Variants in CREB5 observed in about 807,000 individuals in gnomAD.
CREB5 encodes the protein cyclic AMP-responsive element-binding protein 5.
Under a neutral mutation model 57.1 loss-of-function variants are expected in CREB5, and 19 were observed. The observed-to-expected ratio is 0.33, with a 90% CI of 0.23 to 0.49. The LOEUF is 0.49. Among genes scored for constraint, CREB5 ranks in the 20% least tolerant of loss-of-function variants. CREB5 has a pLI of 0.99. For missense variants in CREB5, 579 were observed against 671.6 expected (o/e 0.86, Z 1.52); for synonymous variants, 238 against 238.3 (o/e 1.00, Z 0.01).
rs191825934 is a variant in CREB5, at chr7:28,538,628, T to C, written c.291+30891T>C. ...TTCTACTTTTATTTTTTATAATTTC[T>C]ACTTTCTCTGGGTGTAATTTGCCCT... On this transcript the variant is annotated intron_variant, in intron 4 of 10. Coordinates refer to ENST00000357727, the MANE Select transcript of CREB5 (RefSeq NM_182898.4). Among the ~76,000 whole-genome samples, 16 of 152,342 alleles carry C rather than the reference T, an allele frequency of 1.1e-4. No individual in the cohort carries two copies. The South Asian group carries it at 2.5e-3, about 24-fold the overall frequency.
In CREB5 at chr7:28,809,286, G is replaced by C; in HGVS notation, c.1126G>C (p.Glu376Gln). The C allele has an allele frequency of 6.2e-7, 1 of 1,614,170 alleles. No individual in the cohort carries two copies. Among genetic ancestry groups the C allele is most frequent in the Non-Finnish European group, 8.5e-7 (1 of 1,180,028 alleles). The change falls in exon 9 of 11, where the codon GAG (glutamate) becomes CAG (glutamine). Residue 376 changes from glutamate (E) to glutamine (Q), a missense_variant. Coordinates refer to ENST00000357727, the MANE Select transcript of CREB5 (RefSeq NM_182898.4). ...RRRVVDEDPDERRRKFLERNR... is the reference protein window; with the variant it reads ...RRRVVDEDPDQRRRKFLERNR... The stretch of plus-strand genomic sequence containing the variant: ...AAGGGTGGTAGACGAGGATCCGGAC[G>C]AGAGGCGGCGGAAATTTCTGGAACG...
intron 1 of CREB5, among the ~76,000 whole-genome samples, chr7:28,477,228 G>A (rs958568718): frequency 6.6e-6 from 1 of 152,226 alleles, no homozygotes; most frequent in Non-Finnish European, 1.5e-5. Context: ...ACCCCATCAA[G>A]GGCAGCCACA....
intron 4 of CREB5, among the ~76,000 whole-genome samples, chr7:28,549,508 C>G (rs1005563798): frequency 4.6e-5 from 7 of 152,304 alleles, no homozygotes; most frequent in African/African-American, 1.4e-4. Context: ...TATTTAGTAC[C>G]TACACACCTC....
chr7:28,673,672 T>C (rs1562563656), intron 5 of CREB5, among the ~76,000 whole-genome samples: 1 of 136,116 alleles, frequency 7.3e-6, no homozygotes, highest in Non-Finnish European at 1.6e-5. Flanking sequence ...TTTTTTTTTT[T>C]TTTTTTTTTT....
chr7:28,672,886 A>G (rs949962441), intron 5 of CREB5, among the ~76,000 whole-genome samples: 1 of 152,252 alleles, frequency 6.6e-6, no homozygotes, highest in Non-Finnish European at 1.5e-5. Context: ...TTAACAAAGT[A>G]CTTTGAAAAT....
chr7:28,730,382 C>T (rs577505165), intron 7 of CREB5, among the ~76,000 whole-genome samples: 1 of 151,838 alleles, frequency 6.6e-6, no homozygotes, highest in South Asian at 2.1e-4. Context: ...CAGAGTCTCC[C>T]TATGTTGCTT....
At chr7:28,614,639 GATTTA>G (rs1402303090) in intron 5 of CREB5, among the ~76,000 whole-genome samples, 5 of 152,156 alleles carry the variant, frequency 3.3e-5, no homozygotes, top group East Asian at 1.9e-4. Flanking sequence ...CCAGCTTTTT[GATTTA>G]ATTTAATTTT....
Position 28,807,230 on chromosome 7 carries a change from C to T in CREB5, c.1027-1957C>T, listed in dbSNP as rs148955576. Among the ~76,000 whole-genome samples the T allele has an allele frequency of 1.0e-2, 1,520 of 152,182 alleles. 12 individuals are homozygous for T. The highest frequency in any genetic ancestry group is 0.015 in the Non-Finnish European group (995 of 67,994). On this transcript the variant is annotated intron_variant, in intron 8 of 10. Transcript: ENST00000357727. ...TTGGGAGGCTGAGGCGGGTGGATCACGAGGTCAGGAGTTCAAGACCTGCCT... is the reference window on the plus strand; with the variant it reads ...TTGGGAGGCTGAGGCGGGTGGATCATGAGGTCAGGAGTTCAAGACCTGCCT...
intron 5 of CREB5, among the ~76,000 whole-genome samples, chr7:28,618,062 A>T (rs1797659179): frequency 6.6e-6 from 1 of 152,218 alleles, no homozygotes. Flanking sequence ...CATCGCTTCT[A>T]GGTGGAGGGT....
chr7:28,320,286 GT>G (rs1429101085), intron 1 of CREB5, among the ~76,000 whole-genome samples: 1 of 152,034 alleles, frequency 6.6e-6, no homozygotes, highest in African/African-American at 2.4e-5. Flanking sequence ...AAATTATAAA[GT>G]GTGTAAATGA....
chr7:28,600,407 A>G (rs1005005972), intron 5 of CREB5, among the ~76,000 whole-genome samples: 3 of 152,146 alleles, frequency 2.0e-5, no homozygotes, highest in Admixed American at 2.0e-4. Flanking sequence ...AGCAATTCTT[A>G]CATGCAGAGT....
chr7:28,453,358 G>A (rs945842327), intron 1 of CREB5, among the ~76,000 whole-genome samples: 2 of 152,142 alleles, frequency 1.3e-5, no homozygotes, highest in African/African-American at 4.8e-5. Context: ...AGGATTGCTT[G>A]GGCCTGGGAA....
chr7:28,674,204 A>T (rs2128720994), intron 5 of CREB5, among the ~76,000 whole-genome samples: 1 of 152,202 alleles, frequency 6.6e-6, no homozygotes, highest in East Asian at 1.9e-4. Context: ...GTTTTCAACC[A>T]TAGGGGAAAG....
chr7:28,805,415 C>T (rs1002142388), intron 8 of CREB5, among the ~76,000 whole-genome samples: 1 of 152,168 alleles, frequency 6.6e-6, no homozygotes, highest in South Asian at 2.1e-4. Flanking sequence ...TCCATACCTT[C>T]CACCCAGTCC....
chr7:28,679,895 C>CAG (rs1399740173), intron 5 of CREB5, among the ~76,000 whole-genome samples: 1 of 152,192 alleles, frequency 6.6e-6, no homozygotes, highest in Non-Finnish European at 1.5e-5. Context: ...TGAAAGCTGA[C>CAG]ACTAAGGAAG....
chr7:28,474,131 T>A (rs1170875715), intron 1 of CREB5, among the ~76,000 whole-genome samples: 2 of 152,162 alleles, frequency 1.3e-5, no homozygotes, highest in Non-Finnish European at 2.9e-5. Context: ...TGAGGCTCTG[T>A]GGAGAGGGGA....
intron 7 of CREB5, among the ~76,000 whole-genome samples, chr7:28,735,772 G>A (rs1803940216): frequency 6.6e-6 from 1 of 150,874 alleles, no homozygotes; most frequent in Non-Finnish European, 1.5e-5. Context: ...TTTACTGAGT[G>A]GTAATCATGG....
intron 7 of CREB5, among the ~76,000 whole-genome samples, chr7:28,742,850 T>C (rs1804451953): frequency 6.6e-6 from 1 of 152,216 alleles, no homozygotes; most frequent in Non-Finnish European, 1.5e-5. Context: ...TGGTGCGATC[T>C]TGGCTCATTG....
chr7:28,324,417 G>T (rs1460275534), intron 1 of CREB5, among the ~76,000 whole-genome samples: 2 of 152,064 alleles, frequency 1.3e-5, no homozygotes, highest in Non-Finnish European at 2.9e-5. Flanking sequence ...ATGCTCTCAA[G>T]TCCAGTGGTT....
Sources: gnomAD v4.1 joint callset for allele counts (sites outside exome capture counted in the v4.1 genomes callset) on GRCh38, gnomAD v4.1.1 for gene constraint, MANE v1.5 for transcripts, NCBI Gene and HGNC (gene_info 2026-07-23, HGNC 2026-07-21) for gene names.